The following TPD52L1 variants were observed in gnomAD, a reference collection of about 807,000 sequenced individuals.
TPD52L1 encodes the protein tumor protein D53.
TPD52L1 carries 18 observed loss-of-function variants against 28.7 expected under a neutral mutation model. The ratio of observed to expected loss-of-function variants is 0.63; its 90% CI spans 0.43 to 0.93. TPD52L1 has a LOEUF of 0.93. TPD52L1 is among the 40% of genes least tolerant of loss of function. The pLI is 0.00. For missense variants in TPD52L1, 203 were observed against 254.8 expected (o/e 0.80, Z 1.39); for synonymous variants, 75 against 88.8 (o/e 0.84, Z 0.88).
intron 3 of TPD52L1, among the ~76,000 whole-genome samples, chr6:125,233,848 T>G (rs1319041458): frequency 6.6e-6 from 1 of 152,208 alleles, no homozygotes; most frequent in African/African-American, 2.4e-5. Context: ...ATGTTCAAAT[T>G]AGTAAAACAT....
chr6:125,247,926 T>C (rs1797019600), intron 3 of TPD52L1, among the ~76,000 whole-genome samples: 1 of 152,252 alleles, frequency 6.6e-6, no homozygotes, highest in Non-Finnish European at 1.5e-5. Flanking sequence ...GTGTCATCCT[T>C]GATGCCTAGA....
In TPD52L1 at chr6:125,263,155, ACATT is replaced by A; in HGVS notation, c.*194_*197del. The stretch of plus-strand genomic sequence containing the variant: ...GTTGATGATGGACCACTTGACCATC[ACATT>A]TCAGTATTCATAGATGACTGTCACA... On this transcript the variant is annotated 3_prime_UTR_variant, in exon 7 of 7. Transcript: ENST00000534000. The A allele has an allele frequency of 1.6e-6, 1 of 630,708 alleles. No homozygotes were observed. Among genetic ancestry groups the A allele is most frequent in the Non-Finnish European group, 2.6e-6 (1 of 379,514 alleles). The allele number at this position is 630,708 out of a possible 1,614,324, so 39.1% of individuals were successfully genotyped here. A position where few individuals can be genotyped will look rare whatever the true frequency, so the allele number is the denominator to read the frequency against.
At chr6:125,168,738 G>A (rs915559518) in intron 1 of TPD52L1, among the ~76,000 whole-genome samples, 2 of 152,050 alleles carry the variant, frequency 1.3e-5, no homozygotes, top group Non-Finnish European at 2.9e-5. Flanking sequence ...GGATGGTCTC[G>A]ATCTCTTGAC....
At chr6:125,154,843 G>T (rs1481738414) in intron 1 of TPD52L1, among the ~76,000 whole-genome samples, 3 of 152,112 alleles carry the variant, frequency 2.0e-5, no homozygotes, top group East Asian at 1.9e-4. Context: ...GATGGCTTGC[G>T]GAGTTCAGCC....
intron 1 of TPD52L1, among the ~76,000 whole-genome samples, chr6:125,196,474 G>C (rs1582905804): frequency 6.6e-6 from 1 of 152,286 alleles, no homozygotes; most frequent in East Asian, 1.9e-4. Context: ...TATTGTCGTG[G>C]CTCCTGTCTC....
At chr6:125,165,587 G>T (rs1037220383) in intron 1 of TPD52L1, among the ~76,000 whole-genome samples, 7 of 152,148 alleles carry the variant, frequency 4.6e-5, no homozygotes, top group Non-Finnish European at 8.8e-5. Context: ...AAAAATGCAT[G>T]TATATGTTAC....
At chr6:125,260,922 A>AAGAAAG (rs1289419221) in intron 6 of TPD52L1, 1 of 15,584 alleles carries the variant, frequency 6.4e-5, no homozygotes, top group Non-Finnish European at 9.3e-5. Flanking sequence ...AGAAAGAAAG[A>AAGAAAG]AGAAAGAAAG....
chr6:125,245,211 G>A (rs1181030764), intron 3 of TPD52L1, among the ~76,000 whole-genome samples: 3 of 152,168 alleles, frequency 2.0e-5, no homozygotes, highest in Non-Finnish European at 4.4e-5. Flanking sequence ...CAGTGAAGTC[G>A]TCATGTGGAC....
chr6:125,237,487 C>T (rs1188833645), intron 3 of TPD52L1, among the ~76,000 whole-genome samples: 1 of 152,136 alleles, frequency 6.6e-6, no homozygotes, highest in Non-Finnish European at 1.5e-5. Flanking sequence ...ATGCTAGTCT[C>T]CTATTTTGGG....
Position 125,153,863 on chromosome 6 carries a change from C to T in TPD52L1, c.-89C>T. 1 of 1,461,818 alleles carries T rather than the reference C, an allele frequency of 6.8e-7. No individual in the cohort carries two copies. The highest frequency in any genetic ancestry group is 2.5e-5 in the East Asian group (1 of 39,362). The allele number at this position is 1,461,818 out of a possible 1,614,324, so 90.6% of individuals were successfully genotyped here. ...CCAGGAGTGGGAGCGAGCGGCGGGGCCAGCTGCGTTCTGAGCCTGGGCGCA... is the reference window on the plus strand; with the variant it reads ...CCAGGAGTGGGAGCGAGCGGCGGGGTCAGCTGCGTTCTGAGCCTGGGCGCA... On this transcript the variant is annotated 5_prime_UTR_variant, in exon 1 of 7. Transcript: ENST00000534000.
At chr6:125,228,864 T>C (rs1280562731) in intron 2 of TPD52L1, among the ~76,000 whole-genome samples, 4 of 152,160 alleles carry the variant, frequency 2.6e-5, no homozygotes, top group Admixed American at 2.0e-4. Context: ...TTTTCTTGTT[T>C]ATGTTTTTCT....
At chr6:125,252,105 C>G in intron 4 of TPD52L1, 3 of 1,516,668 alleles carry the variant, frequency 2.0e-6, no homozygotes, top group Non-Finnish European at 2.7e-6. Flanking sequence ...TCCAGGGCTC[C>G]CTGTTTCTTT....
intron 6 of TPD52L1, among the ~76,000 whole-genome samples, chr6:125,257,772 T>C (rs1396041785): frequency 1.3e-5 from 2 of 152,240 alleles, no homozygotes; most frequent in African/African-American, 4.8e-5. Flanking sequence ...ATTATTGTTC[T>C]AGCATAGGTA....
intron 1 of TPD52L1, among the ~76,000 whole-genome samples, chr6:125,197,631 C>A (rs1562264999): frequency 6.6e-6 from 1 of 151,982 alleles, no homozygotes; most frequent in Admixed American, 6.6e-5. Context: ...TAAGCAAAGT[C>A]TATTTTTCAC....
At chr6:125,175,851 A>G (rs1452650712) in intron 1 of TPD52L1, among the ~76,000 whole-genome samples, 1 of 145,812 alleles carries the variant, frequency 6.9e-6, no homozygotes, top group Non-Finnish European at 1.5e-5. Flanking sequence ...TTACAAAGAA[A>G]TAGGTATTCA....
Position 125,263,158 on chromosome 6 carries a change from T to C in TPD52L1, c.*196T>C. ...GATGATGGACCACTTGACCATCACA[T>C]TTCAGTATTCATAGATGACTGTCAC... On this transcript the variant is annotated 3_prime_UTR_variant, in exon 7 of 7. Coordinates refer to ENST00000534000, the MANE Select transcript of TPD52L1 (RefSeq NM_003287.4). 3.2e-6 allele frequency: 2 copies of C among 623,346 alleles called. No individual in the cohort carries two copies. The highest frequency in any genetic ancestry group is 2.9e-5 in the East Asian group (1 of 34,492). 38.6% of individuals were successfully genotyped at this position (623,346 alleles called of 1,614,324 possible). A position where few individuals can be genotyped will look rare whatever the true frequency, so the allele number is the denominator to read the frequency against.
intron 1 of TPD52L1, among the ~76,000 whole-genome samples, chr6:125,204,584 A>G (rs1206027320): frequency 2.0e-5 from 3 of 151,668 alleles, no homozygotes; most frequent in African/African-American, 4.9e-5. Context: ...GGTTCACGCC[A>G]TTCTCCTGCC....
chr6:125,193,585 G>T (rs2114867845), intron 1 of TPD52L1, among the ~76,000 whole-genome samples: 1 of 152,124 alleles, frequency 6.6e-6, no homozygotes, highest in Admixed American at 6.6e-5. Context: ...CTGAGGAAGG[G>T]CAGAAAATAG....
At chr6:125,198,342 C>A (rs1186559372) in intron 1 of TPD52L1, among the ~76,000 whole-genome samples, 2 of 152,208 alleles carry the variant, frequency 1.3e-5, no homozygotes, top group Non-Finnish European at 2.9e-5. Context: ...TTTTCAGCTA[C>A]TTACTAGAGA....
Sources: allele counts gnomAD v4.1 joint callset (sites outside exome capture counted in the v4.1 genomes callset), GRCh38; gene constraint gnomAD v4.1.1; transcripts MANE v1.5; gene names NCBI Gene and HGNC (gene_info 2026-07-23, HGNC 2026-07-21).